Variants in HERC1 observed in about 807,000 individuals in gnomAD.
HERC1 encodes the protein probable E3 ubiquitin-protein ligase HERC1.
In HERC1, 160 loss-of-function variants were observed where a neutral mutation model predicts 554.3. That is an observed-to-expected ratio of 0.29 (90% CI 0.25 to 0.33). The LOEUF (loss-of-function observed/expected upper bound fraction) is 0.33, where lower values mean the gene tolerates loss of function less well. HERC1 is among the 10% of genes least tolerant of loss of function. HERC1 has a pLI of 1.00. For missense variants in HERC1, 4,919 were observed against 5,918.5 expected, an observed-to-expected ratio of 0.83 and a Z score of 5.54; for synonymous variants, 2,175 against 2,131.7, an observed-to-expected ratio of 1.02 and a Z score of -0.56.
At chr15:63,619,926 T>C (rs1256479144) in intron 74 of HERC1, among the ~76,000 whole-genome samples, 2 of 151,794 alleles carry the variant, frequency 1.3e-5, no homozygotes, top group Admixed American at 6.6e-5. Context: ...TCAATTTTGT[T>C]GATCTTTTCA....
chr15:63,805,103 T>A (rs978412367), intron 1 of HERC1, among the ~76,000 whole-genome samples: 1 of 152,152 alleles, frequency 6.6e-6, no homozygotes, highest in Non-Finnish European at 1.5e-5. Flanking sequence ...TGAGAATACA[T>A]GATTACATAA....
intron 1 of HERC1, among the ~76,000 whole-genome samples, chr15:63,830,494 C>T (rs1196607897): frequency 1.3e-5 from 2 of 152,006 alleles, no homozygotes; most frequent in Non-Finnish European, 2.9e-5. Flanking sequence ...CAACTAAATG[C>T]AACGTGGGAA....
chr15:63,636,625 T>C (rs906994349), intron 64 of HERC1, among the ~76,000 whole-genome samples: 1 of 152,160 alleles, frequency 6.6e-6, no homozygotes, highest in Admixed American at 6.6e-5. Flanking sequence ...AAACTGCGAA[T>C]AGTCACCTAA....
intron 68 of HERC1, 59 bp from the exon 69 acceptor site, chr15:63,630,694 T>C: frequency 6.6e-7 from 1 of 1,512,014 alleles, no homozygotes; most frequent in Non-Finnish European, 8.9e-7. Flanking sequence ...CACAGTGCTT[T>C]TATATTTTCT....
At chr15:63,611,788 C>T (rs2067604213) in intron 77 of HERC1, among the ~76,000 whole-genome samples, 1 of 152,162 alleles carries the variant, frequency 6.6e-6, no homozygotes, top group South Asian at 2.1e-4. Flanking sequence ...ACAAATTTTA[C>T]TGCTTGATTT....
chr15:63,616,147 T>G (rs1248880496), intron 75 of HERC1, among the ~76,000 whole-genome samples: 1 of 152,166 alleles, frequency 6.6e-6, no homozygotes, highest in East Asian at 1.9e-4. Context: ...AAACCAAGCC[T>G]GTTGAACTCT....
At chr15:63,634,114 G>C (rs1402730702) in intron 66 of HERC1, 144 bp from the exon 67 acceptor site, 3 of 814,712 alleles carry the variant, frequency 3.7e-6, no homozygotes, top group South Asian at 3.9e-5. Context: ...TACTACAAAT[G>C]TTAACCAAAG....
chr15:63,771,487 A>G (rs12900985), intron 2 of HERC1, among the ~76,000 whole-genome samples: 1 of 151,504 alleles, frequency 6.6e-6, no homozygotes, highest in Non-Finnish European at 1.5e-5. Flanking sequence ...CTGGAGTGCA[A>G]TGGTGCGATC....
chr15:63,700,270 TTA>T, intron 25 of HERC1, among the ~76,000 whole-genome samples: 1 of 152,248 alleles, frequency 6.6e-6, no homozygotes, highest in East Asian at 1.9e-4. Flanking sequence ...CATGGTTCAT[TTA>T]TTTGATTGCT....
Position 63,622,797 on chromosome 15 carries a change from A to C in HERC1, c.13688+18T>G, listed in dbSNP as rs967683698. The C allele has an allele frequency of 1.3e-6, 2 of 1,565,164 alleles. No individual in the cohort carries two copies. The highest frequency in any genetic ancestry group is 1.7e-6 in the Non-Finnish European group (2 of 1,151,558). The stretch of plus-strand genomic sequence containing the variant: ...TTATTATTTTAGACATATAATGAAC[A>C]CTTGCTGACTGCCATACCTGTCCCT... On this transcript the variant is annotated intron_variant, in intron 74 of 77. Transcript: ENST00000443617.
chr15:63,776,886 A>T (rs1356916855), intron 1 of HERC1, among the ~76,000 whole-genome samples: 1 of 152,272 alleles, frequency 6.6e-6, no homozygotes, highest in Non-Finnish European at 1.5e-5. Flanking sequence ...GCCTCAACAA[A>T]TACTGAATAA....
chr15:63,618,626 T>C (rs569120018), intron 74 of HERC1, among the ~76,000 whole-genome samples: 44 of 152,342 alleles, frequency 2.9e-4, no homozygotes, highest in African/African-American at 1.0e-3. Flanking sequence ...TGATTCTTCC[T>C]ACCCATGAGC....
In HERC1 at chr15:63,692,175, G is replaced by A. The variant is rs1025940834; in HGVS notation, c.5830+236C>T. ...CTTAGGTTTGTAATCTGAACAAAGA[G>A]GATGAAGTTCTCTAGATAAATTCTA... On this transcript the variant is annotated intron_variant, in intron 31 of 77. Transcript: ENST00000443617. The surrounding 1 kb of genome is among the most constrained non-coding windows in gnomAD (Gnocchi z 4.7). Among the ~76,000 whole-genome samples, 1 of 152,170 alleles carries A rather than the reference G, an allele frequency of 6.6e-6. No individual in the cohort carries two copies. Among genetic ancestry groups the A allele is most frequent in the Non-Finnish European group, 1.5e-5 (1 of 68,038 alleles).
At chr15:63,799,727 GC>G (rs2076919617) in intron 1 of HERC1, among the ~76,000 whole-genome samples, 2 of 152,042 alleles carry the variant, frequency 1.3e-5, no homozygotes, top group Admixed American at 1.3e-4. Flanking sequence ...AAAAATAATG[GC>G]AAACACTTAA....
At chr15:63,703,834 G>C (rs2072859041) in intron 25 of HERC1, among the ~76,000 whole-genome samples, 1 of 151,926 alleles carries the variant, frequency 6.6e-6, no homozygotes, top group African/African-American at 2.4e-5. Flanking sequence ...ACTTGAGCCT[G>C]GGGAGGTTGA....
chr15:63,637,024 G>A (rs1595868715), intron 64 of HERC1: 9 of 427,164 alleles, frequency 2.1e-5, no homozygotes, highest in South Asian at 1.5e-4. Context: ...GTAGGCTTCA[G>A]AGTCATTATG....
At chr15:63,810,689 A>G (rs1596308165) in intron 1 of HERC1, among the ~76,000 whole-genome samples, 3 of 152,218 alleles carry the variant, frequency 2.0e-5, no homozygotes, top group African/African-American at 4.8e-5. Context: ...CCAATGGGAA[A>G]GCGTTGTAGG....
intron 12 of HERC1, among the ~76,000 whole-genome samples, chr15:63,736,607 ACT>A (rs2074514837): frequency 9.5e-6 from 1 of 104,990 alleles, no homozygotes; most frequent in Non-Finnish European, 2.1e-5. Context: ...TTAGCATCAC[ACT>A]CTCTTTTTTT....
Position 63,643,434 on chromosome 15 carries a change from T to A in HERC1, c.11301A>T (p.Leu3767=), listed in dbSNP as rs1349738819. The A allele has an allele frequency of 6.2e-7, 1 of 1,613,502 alleles. No individual in the cohort carries two copies. Among genetic ancestry groups the A allele is most frequent in the South Asian group, 1.1e-5 (1 of 90,972 alleles). Residue 3767 remains leucine, a synonymous_variant, in exon 58 of 78, where the codon CTA becomes CTT. Coordinates refer to ENST00000443617, the MANE Select transcript of HERC1 (RefSeq NM_003922.4). ...SDGLALVSGG[L]GGLMNIWSLR... ...AAGACCAAATGTTCATGAGCCCACC[T>A]AGTCCACCAGACACCAGGGCCAACC...
Sources: gnomAD v4.1 joint callset for allele counts (sites outside exome capture counted in the v4.1 genomes callset) on GRCh38, gnomAD v4.1.1 for gene constraint, Gnocchi (gnomAD v3.1) non-coding constraint, MANE v1.5 for transcripts, NCBI Gene and HGNC (gene_info 2026-07-23, HGNC 2026-07-21) for gene names.